Variants in MAP3K9 observed in about 807,000 individuals in gnomAD.
The protein encoded by MAP3K9 is mitogen-activated protein kinase kinase kinase 9.
A neutral mutation model predicts 95.8 loss-of-function variants in MAP3K9; 46 were observed. The ratio of observed to expected loss-of-function variants is 0.48; its 90% confidence interval spans 0.38 to 0.61. The LOEUF is 0.61. Among genes scored for constraint, MAP3K9 ranks in the 20% least tolerant of loss-of-function variants. The pLI, the probability that MAP3K9 is intolerant of heterozygous loss-of-function variation, is 0.00. For missense variants in MAP3K9, 1,296 were observed against 1,474.3 expected (o/e 0.88, Z 1.98); for synonymous variants, 533 against 593.8 (o/e 0.90, Z 1.49).
At position 70,726,753 on chromosome 14, in the gene MAP3K9, G is replaced by C. The variant is rs2053825466; in HGVS notation, c.*3627C>G. The C allele has an allele frequency of 6.6e-6, 1 of 152,312 alleles. No homozygotes were observed. 9.4% of individuals were successfully genotyped at this position (152,312 alleles called of 1,614,324 possible). On this transcript the variant is annotated 3_prime_UTR_variant, in exon 12 of 12. Transcript: ENST00000554752. Reference sequence around the variant, plus strand: ...AAAAGGCAAGTTCCCTCAAGGCAAAGGTGATGAGAGCCACACTCTCAACTT... The same window carrying C: ...AAAAGGCAAGTTCCCTCAAGGCAAACGTGATGAGAGCCACACTCTCAACTT...
chr14:70,737,860 A>T (rs1180500113), intron 8 of MAP3K9, among the ~76,000 whole-genome samples: 1 of 152,198 alleles, frequency 6.6e-6, no homozygotes, highest in African/African-American at 2.4e-5. Context: ...TTGGCAAACT[A>T]TAACTGGTGG....
intron 1 of MAP3K9, among the ~76,000 whole-genome samples, chr14:70,804,463 C>G (rs1256637770): frequency 6.6e-6 from 1 of 151,918 alleles, no homozygotes; most frequent in East Asian, 1.9e-4. Context: ...GAGGGAGGAA[C>G]ATTCATGTTT....
At chr14:70,777,163 C>T (rs1024222286) in intron 2 of MAP3K9, among the ~76,000 whole-genome samples, 6 of 152,250 alleles carry the variant, frequency 3.9e-5, no homozygotes, top group South Asian at 2.1e-4. Flanking sequence ...ATCTCTAGGG[C>T]GCTGTTGCTT....
intron 2 of MAP3K9, among the ~76,000 whole-genome samples, chr14:70,791,398 C>T (rs1340367415): frequency 6.6e-6 from 1 of 152,202 alleles, no homozygotes; most frequent in Non-Finnish European, 1.5e-5. Context: ...GAGTAAGCTG[C>T]AGAGAACCTC....
At position 70,724,327 on chromosome 14, in the gene MAP3K9, T is replaced by C. The variant is rs2053790856; in HGVS notation, c.*6053A>G. On this transcript the variant is annotated 3_prime_UTR_variant, in exon 12 of 12. Coordinates refer to ENST00000554752, the MANE Select transcript of MAP3K9 (RefSeq NM_001284230.2). ...CCAAAGTTAAAAGCTCCTAGATGTT[T>C]CATTGCTGTAAGCCTACACACTCCT... 6.6e-6 allele frequency: 1 copy of C among 152,140 alleles called. No individual in the cohort carries two copies. Among genetic ancestry groups the C allele is most frequent in the African/African-American group, 2.4e-5 (1 of 41,424 alleles). The allele number at this position is 152,140 out of a possible 1,614,324, so 9.4% of individuals were successfully genotyped here. A position where few individuals can be genotyped will look rare whatever the true frequency, so the allele number is the denominator to read the frequency against.
chr14:70,787,409 G>A (rs60533515), intron 2 of MAP3K9, among the ~76,000 whole-genome samples: 34,191 of 151,416 alleles, frequency 0.23, 4,134 homozygotes, highest in South Asian at 0.38. Flanking sequence ...TCGGGAGGCT[G>A]AGGCAGGAGA....
intron 2 of MAP3K9, among the ~76,000 whole-genome samples, chr14:70,785,030 C>G (rs1349957644): frequency 6.6e-6 from 1 of 152,150 alleles, no homozygotes; most frequent in African/African-American, 2.4e-5. Flanking sequence ...AGAGAAGGAT[C>G]TCCTATTGCA....
rs1460707988 is a variant in MAP3K9 at position 70,726,723 on chromosome 14, G to A, written c.*3657C>T. The A allele has an allele frequency of 1.3e-5, 2 of 152,318 alleles. No homozygotes were observed. Among genetic ancestry groups the A allele is most frequent in the Non-Finnish European group, 2.9e-5 (2 of 68,124 alleles). 9.4% of individuals were successfully genotyped at this position (152,318 alleles called of 1,614,324 possible). A position where few individuals can be genotyped will look rare whatever the true frequency, so the allele number is the denominator to read the frequency against. On this transcript the variant is annotated 3_prime_UTR_variant, in exon 12 of 12. Coordinates refer to ENST00000554752, the MANE Select transcript of MAP3K9 (RefSeq NM_001284230.2). ...ACTCCTCTTCCAGAAGCCAAAGGAC[G>A]AAAGAAAAGGCAAGTTCCCTCAAGG...
intron 6 of MAP3K9, among the ~76,000 whole-genome samples, chr14:70,741,716 A>G (rs2054072265): frequency 6.6e-6 from 1 of 152,302 alleles, no homozygotes; most frequent in East Asian, 1.9e-4. Context: ...GGTGGCTCAC[A>G]ACTGTAATCC....
chr14:70,762,922 T>C (rs566049726), intron 2 of MAP3K9, among the ~76,000 whole-genome samples: 1 of 152,270 alleles, frequency 6.6e-6, no homozygotes, highest in East Asian at 1.9e-4. Flanking sequence ...ATAACAGGGG[T>C]CGAATTTCAT....
chr14:70,788,711 G>A (rs2054774555), intron 2 of MAP3K9, among the ~76,000 whole-genome samples: 1 of 152,176 alleles, frequency 6.6e-6, no homozygotes, highest in African/African-American at 2.4e-5. Flanking sequence ...TAGAATCTGT[G>A]ATTATCAAAA....
At chr14:70,794,870 G>C (rs2139848730) in intron 2 of MAP3K9, among the ~76,000 whole-genome samples, 1 of 151,244 alleles carries the variant, frequency 6.6e-6, no homozygotes, top group South Asian at 2.1e-4. Context: ...GTAGAGACGG[G>C]GTTTCACTGT....
Position 70,734,390 on chromosome 14 carries a change from C to T in MAP3K9, c.2022G>A (p.Glu674=). Residue 674 remains glutamate, a synonymous_variant, in exon 10 of 12, where the codon GAG becomes GAA. Transcript: ENST00000554752. The stretch of plus-strand genomic sequence containing the variant: ...CTCAAGAGGAGCTATGCTTACCCAT[C>T]TCCATAAGGCTGGTGAACCCTGGCA... The part of the protein sequence containing the change: ...PALPGFTSLM[E]MEDEDSEGPG... 1 of 1,611,712 alleles carries T rather than the reference C, an allele frequency of 6.2e-7. No individual in the cohort carries two copies. Among genetic ancestry groups the T allele is most frequent in the Non-Finnish European group, 8.5e-7 (1 of 1,177,758 alleles).
At chr14:70,743,045 G>A (rs1336101645) in intron 5 of MAP3K9, among the ~76,000 whole-genome samples, 4 of 151,694 alleles carry the variant, frequency 2.6e-5, no homozygotes, top group Admixed American at 6.6e-5. Context: ...GGAGTGCAGC[G>A]GTGCGATCTC....
chr14:70,777,634 G>A (rs1326683311), intron 2 of MAP3K9, among the ~76,000 whole-genome samples: 1 of 152,162 alleles, frequency 6.6e-6, no homozygotes, highest in Non-Finnish European at 1.5e-5. Context: ...GAGTCCCAAA[G>A]CATAAGGACC....
intron 2 of MAP3K9, among the ~76,000 whole-genome samples, chr14:70,778,868 T>C (rs923009176): frequency 6.6e-6 from 1 of 152,176 alleles, no homozygotes; most frequent in African/African-American, 2.4e-5. Flanking sequence ...TGATGATGCC[T>C]TACCCTACCC....
chr14:70,760,689 G>A (rs1239452688), intron 3 of MAP3K9, among the ~76,000 whole-genome samples: 1 of 152,094 alleles, frequency 6.6e-6, no homozygotes, highest in Non-Finnish European at 1.5e-5. Context: ...GAGAAGGACC[G>A]AGTGTCCTTC....
chr14:70,800,769 C>A lies in MAP3K9; in HGVS notation c.718G>T (p.Asp240Tyr). 1 of 1,614,192 alleles carries A rather than the reference C, an allele frequency of 6.2e-7. No homozygotes were observed. ...TGCACAGCCCAATTCACCAGGATGTCTGGGGGAATCCTTTTCCCAGATAAC... is the reference window on the plus strand; with the variant it reads ...TGCACAGCCCAATTCACCAGGATGTATGGGGGAATCCTTTTCCCAGATAAC... ...RVLSGKRIPP[D>Y]ILVNWAVQIA... is the part of the protein sequence containing the mutation. Residue 240 changes from aspartate to tyrosine, a missense_variant, in exon 2 of 12, where the codon GAC becomes TAC. Coordinates refer to ENST00000554752, the MANE Select transcript of MAP3K9 (RefSeq NM_001284230.2).
intron 11 of MAP3K9, among the ~76,000 whole-genome samples, chr14:70,731,756 C>A (rs1247810825): frequency 6.6e-6 from 1 of 152,194 alleles, no homozygotes. Flanking sequence ...TAACAAAAAA[C>A]AGGAGGGCAG....
Sources: gnomAD v4.1 joint callset for allele counts (sites outside exome capture counted in the v4.1 genomes callset) on GRCh38, gnomAD v4.1.1 for gene constraint, MANE v1.5 for transcripts, NCBI Gene and HGNC (gene_info 2026-07-23, HGNC 2026-07-21) for gene names.